Variants in LRP8 observed in about 807,000 individuals in gnomAD.
The protein encoded by LRP8 is low-density lipoprotein receptor-related protein 8.
In LRP8, 46 loss-of-function variants were observed where a neutral mutation model predicts 111.6. The observed-to-expected ratio is 0.41, with a 90% CI of 0.33 to 0.53. The LOEUF is 0.53. LRP8 is among the 20% of genes least tolerant of loss of function. The pLI is 0.20. For synonymous variants in LRP8, 464 were observed against 511.2 expected (o/e 0.91, Z 1.24); for missense variants, 959 against 1,297.4 (o/e 0.74, Z 4.01).
intron 2 of LRP8, among the ~76,000 whole-genome samples, chr1:53,297,380 G>A (rs1649934897): frequency 6.6e-6 from 1 of 152,178 alleles, no homozygotes; most frequent in Non-Finnish European, 1.5e-5. Context: ...CTCAAGGCTC[G>A]GCGGTTCCCA....
At chr1:53,248,087 G>A (rs922154121) in intron 18 of LRP8, among the ~76,000 whole-genome samples, 19 of 152,186 alleles carry the variant, frequency 1.2e-4, no homozygotes, top group African/African-American at 4.3e-4. Flanking sequence ...ATGAGATAAT[G>A]CACAGAGAGT....
In LRP8 at chr1:53,266,428, C is replaced by T. The variant is rs1646558373; in HGVS notation, c.1427+45G>A. On this transcript the variant is annotated intron_variant, in intron 9 of 18. Transcript: ENST00000306052. This position sits in a 1 kb window ranked among gnomAD's most constrained non-coding sequence, Gnocchi z 5.0. ...CCCCTCCTCACCTGTCACCACCCCT[C>T]ACCCCCACTCTTCATGCCTTGCTGC... 10 of 1,596,940 alleles carry T rather than the reference C, an allele frequency of 6.3e-6. No homozygotes were observed. The East Asian group carries it at 2.0e-4, about 32-fold the overall frequency.
chr1:53,276,791 C>A lies in LRP8; in HGVS notation c.784G>T (p.Ala262Ser). 1.5e-6 allele frequency: 2 copies of A among 1,371,326 alleles called. No homozygotes were observed. Among genetic ancestry groups the A allele is most frequent in the African/African-American group, 1.5e-5 (1 of 65,176 alleles). 84.9% of individuals were successfully genotyped at this position (1,371,326 alleles called of 1,614,324 possible). A position where few individuals can be genotyped will look rare whatever the true frequency, so the allele number is the denominator to read the frequency against. Residue 262 changes from alanine (A) to serine (S), a missense_variant, in exon 5 of 19, where the codon GCC becomes TCC. Coordinates refer to ENST00000306052, the MANE Select transcript of LRP8 (RefSeq NM_004631.5). Reference sequence around the variant, plus strand: ...CCGCTGCGGCAGGCGAACTGGGAGGCGGTGGCGCAGGCGGCGGGCGCGGAC... The same window carrying A: ...CCGCTGCGGCAGGCGAACTGGGAGGAGGTGGCGCAGGCGGCGGGCGCGGAC... Reference protein sequence around the residue: ...ATSAPAACATASQFACRSGEC... With the variant: ...ATSAPAACATSSQFACRSGEC...
chr1:53,246,922 A>G lies in LRP8; in HGVS notation c.*96T>C. ...CACACACACACATACACTCACACAG[A>G]CCCATATATAGAAACCCATTCATCC... On this transcript the variant is annotated 3_prime_UTR_variant, in exon 19 of 19. Coordinates refer to ENST00000306052, the MANE Select transcript of LRP8 (RefSeq NM_004631.5). 9.1e-7 allele frequency: 1 copy of G among 1,101,546 alleles called. No individual in the cohort carries two copies. The highest frequency in any genetic ancestry group is 1.5e-5 in the South Asian group (1 of 68,884). 68.2% of individuals were successfully genotyped at this position (1,101,546 alleles called of 1,614,324 possible). A position where few individuals can be genotyped will look rare whatever the true frequency, so the allele number is the denominator to read the frequency against.
chr1:53,281,196 G>T (rs1647096944), intron 3 of LRP8, among the ~76,000 whole-genome samples: 1 of 152,134 alleles, frequency 6.6e-6, no homozygotes, highest in South Asian at 2.1e-4. Flanking sequence ...GGCCCCAACG[G>T]CTCCAATCGG....
intron 2 of LRP8, chr1:53,291,833 C>T (rs2100468398): frequency 6.6e-6 from 1 of 152,342 alleles, no homozygotes; most frequent in South Asian, 2.1e-4. Context: ...GGTGACAGGC[C>T]AGGCCTGTGG....
intron 9 of LRP8, 107 bp from the exon 10 acceptor site, chr1:53,264,503 AT>A: frequency 1.2e-6 from 1 of 857,930 alleles, no homozygotes; most frequent in Non-Finnish European, 1.8e-6. Flanking sequence ...ATGGCAATAG[AT>A]TTTTAGAGGA....
At chr1:53,299,606 A>T (rs1376261178) in intron 2 of LRP8, among the ~76,000 whole-genome samples, 1 of 152,070 alleles carries the variant, frequency 6.6e-6, no homozygotes, top group Non-Finnish European at 1.5e-5. Context: ...TCATCCAGGG[A>T]GCCTCTGCCC....
In LRP8 at chr1:53,249,325, C is replaced by G. The variant is rs1645822150; in HGVS notation, c.2853+55G>C. The G allele has an allele frequency of 2.5e-6, 4 of 1,575,444 alleles. No homozygotes were observed. The highest frequency in any genetic ancestry group is 3.5e-6 in the Non-Finnish European group (4 of 1,158,630). The stretch of plus-strand genomic sequence containing the variant: ...GCCTTCTAGGATTGGCTGCGCCTGC[C>G]TTGGTTCATGCCCTCACTCACCAGC... On this transcript the variant is annotated intron_variant, in intron 18 of 18. Coordinates refer to ENST00000306052, the MANE Select transcript of LRP8 (RefSeq NM_004631.5). The surrounding 1 kb of genome is among the most constrained non-coding windows in gnomAD (Gnocchi z 4.1).
intron 5 of LRP8, among the ~76,000 whole-genome samples, chr1:53,276,391 C>T (rs900319488): frequency 5.5e-4 from 83 of 150,816 alleles, no homozygotes; most frequent in African/African-American, 1.9e-3. Flanking sequence ...AGCTCCTGAG[C>T]CTGCCAGGTT....
At chr1:53,286,983 G>A (rs1647658993) in intron 3 of LRP8, among the ~76,000 whole-genome samples, 1 of 152,246 alleles carries the variant, frequency 6.6e-6, no homozygotes, top group African/African-American at 2.4e-5. Context: ...CTGAGGTTCA[G>A]GATGACTGGG....
At chr1:53,281,993 T>C (rs1647128481) in intron 3 of LRP8, among the ~76,000 whole-genome samples, 1 of 152,232 alleles carries the variant, frequency 6.6e-6, no homozygotes, top group South Asian at 2.1e-4. Flanking sequence ...GTCAGCTGTG[T>C]CTGATGCCGG....
chr1:53,272,215 G>A (rs1036957835), intron 6 of LRP8, among the ~76,000 whole-genome samples: 5 of 151,944 alleles, frequency 3.3e-5, no homozygotes, highest in African/African-American at 1.2e-4. Flanking sequence ...ATCTTGTCAT[G>A]GGCCCGGTTC....
intron 8 of LRP8, among the ~76,000 whole-genome samples, chr1:53,270,022 TTC>T (rs75929438): frequency 0.012 from 1,825 of 151,574 alleles, 28 homozygotes; most frequent in East Asian, 0.075. Context: ...GTGGTTCATA[TTC>T]TGTTGTATGA....
chr1:53,309,805 G>A lies in LRP8; in HGVS notation c.244+17068C>T, dbSNP rs181096781. On this transcript the variant is annotated intron_variant, in intron 2 of 18. Coordinates refer to ENST00000306052, the MANE Select transcript of LRP8 (RefSeq NM_004631.5). ...CCGACTCCTCTCAGCTGTCCCCAGG[G>A]CACCCAGCCCAGCCCTGGCACGGGG... 3.2e-4 allele frequency among the ~76,000 whole-genome samples: 48 copies of A among 152,228 alleles called. 1 individual carries two copies. The East Asian group carries it at 9.1e-3, about 29-fold the overall frequency.
At chr1:53,255,976 GAT>G (rs1270873499) in intron 15 of LRP8, among the ~76,000 whole-genome samples, 2 of 152,134 alleles carry the variant, frequency 1.3e-5, no homozygotes, top group African/African-American at 4.8e-5. Flanking sequence ...ATTTTAAAAA[GAT>G]ATGTAAAAGC....
chr1:53,325,830 T>C (rs1329805973), intron 2 of LRP8, among the ~76,000 whole-genome samples: 1 of 152,184 alleles, frequency 6.6e-6, no homozygotes, highest in African/African-American at 2.4e-5. Context: ...CCCCAGCGCC[T>C]GGCACGCAGC....
intron 2 of LRP8, among the ~76,000 whole-genome samples, chr1:53,304,277 G>C (rs542533243): frequency 3.2e-4 from 49 of 152,322 alleles, no homozygotes; most frequent in Non-Finnish European, 5.9e-4. Flanking sequence ...GCACCCTAAT[G>C]ATGGGAATGA....
intron 2 of LRP8, among the ~76,000 whole-genome samples, chr1:53,318,352 A>T (rs1287765898): frequency 9.3e-5 from 14 of 150,692 alleles, no homozygotes; most frequent in Non-Finnish European, 1.5e-5. Flanking sequence ...GTCCCATGGG[A>T]CCAGAATGAG....
Sources: allele counts gnomAD v4.1 joint callset (sites outside exome capture counted in the v4.1 genomes callset), GRCh38; gene constraint gnomAD v4.1.1; non-coding constraint Gnocchi (gnomAD v3.1); transcripts MANE v1.5; gene names NCBI Gene and HGNC (gene_info 2026-07-23, HGNC 2026-07-21).